Variants in INSL6 observed in about 807,000 individuals in gnomAD.
INSL6 encodes insulin like 6.
INSL6 carries 16 observed loss-of-function variants against 9.4 expected under a neutral mutation model. The ratio of observed to expected loss-of-function variants is 1.70; its 90% CI spans 1.15 to 2.59. INSL6 has a LOEUF of 2.59. INSL6 is among the 30% of genes most tolerant of loss of function. INSL6 has a pLI of 0.00. For missense variants in INSL6, 391 were observed against 257.3 expected, an observed-to-expected ratio of 1.52 and a Z score of -3.56; for synonymous variants, 154 against 96.9, an observed-to-expected ratio of 1.59 and a Z score of -3.46.
chr9:5,035,540 C>G, the INSL6 span, among the ~76,000 whole-genome samples: 35 of 152,206 alleles, frequency 2.3e-4, no homozygotes, highest in Admixed American at 4.6e-4. Flanking sequence ...CCACCATGAT[C>G]AAGTGGGCTT....
chr9:5,024,948 A>G, the INSL6 span, among the ~76,000 whole-genome samples: 3 of 152,170 alleles, frequency 2.0e-5, no homozygotes, highest in Non-Finnish European at 4.4e-5. Context: ...TTGCTTAACT[A>G]GGGGGAGTGG....
the INSL6 span, among the ~76,000 whole-genome samples, chr9:5,095,867 C>T: frequency 6.6e-6 from 1 of 152,174 alleles, no homozygotes; most frequent in Admixed American, 6.5e-5. Context: ...ACAACTACCA[C>T]ATTTCTAGCA....
At chr9:5,128,441 G>A (rs769359226) in intron 3 of INSL6, among the ~76,000 whole-genome samples, 12 of 151,654 alleles carry the variant, frequency 7.9e-5, no homozygotes, top group African/African-American at 1.5e-4. Context: ...ACACAGTAAG[G>A]AGATCTTCCA....
chr9:5,070,118 T>A, the INSL6 span: 1 of 1,130,782 alleles, frequency 8.8e-7, no homozygotes, highest in Non-Finnish European at 1.3e-6. Context: ...TTTCTTGATT[T>A]ACATTCATGT....
chr9:5,005,724 A>G, the INSL6 span, among the ~76,000 whole-genome samples: 3 of 152,156 alleles, frequency 2.0e-5, no homozygotes, highest in African/African-American at 7.2e-5. Context: ...GAGAGTTTGT[A>G]TAAGCTCAAT....
the INSL6 span, chr9:5,080,177 A>T: frequency 7.6e-7 from 1 of 1,315,940 alleles, no homozygotes; most frequent in Non-Finnish European, 1.1e-6. Flanking sequence ...CATATAAAAG[A>T]TTGGTTTACT....
the INSL6 span, among the ~76,000 whole-genome samples, chr9:5,083,083 T>C: frequency 6.6e-6 from 1 of 152,234 alleles, no homozygotes; most frequent in African/African-American, 2.4e-5. Context: ...ATTATTCAAA[T>C]TGACTTGACC....
the INSL6 span, among the ~76,000 whole-genome samples, chr9:5,037,667 T>A: frequency 6.6e-6 from 1 of 151,902 alleles, no homozygotes; most frequent in Non-Finnish European, 1.5e-5. Flanking sequence ...TGAGAACACA[T>A]GGACACAGGA....
the INSL6 span, among the ~76,000 whole-genome samples, chr9:5,113,284 T>G: frequency 1.4e-5 from 2 of 144,494 alleles, no homozygotes; most frequent in South Asian, 4.4e-4. Flanking sequence ...AAAAAATGCC[T>G]TAACTATAAA....
chr9:5,153,195 G>A (rs542294491), intron 2 of INSL6, among the ~76,000 whole-genome samples: 4 of 151,558 alleles, frequency 2.6e-5, no homozygotes, highest in South Asian at 2.1e-4. Flanking sequence ...AGACAGAACC[G>A]TTCACTCCCC....
the INSL6 span, among the ~76,000 whole-genome samples, chr9:5,062,500 T>TAAAAAAAAAAAAAAAAAAAAAAAAAAAA: frequency 5.2e-5 from 3 of 58,246 alleles, no homozygotes; most frequent in African/African-American, 3.1e-4. Flanking sequence ...CTTCCATTTG[T>TAAAAAAAAAAAAAAAAAAAAAAAAAAAA]AAAAAAAAAA....
chr9:4,993,792 G>GA, the INSL6 span, among the ~76,000 whole-genome samples: 1 of 152,302 alleles, frequency 6.6e-6, no homozygotes, highest in Non-Finnish European at 1.5e-5. Flanking sequence ...ACGTTGATAA[G>GA]AAAAAAATGG....
chr9:5,098,571 C>T, the INSL6 span: 1 of 152,152 alleles, frequency 6.6e-6, no homozygotes, highest in Non-Finnish European at 1.5e-5. Context: ...TTTAAGGCCT[C>T]TCATCCCTAC....
chr9:5,050,921 G>T, the INSL6 span: 4 of 1,101,900 alleles, frequency 3.6e-6, no homozygotes, highest in South Asian at 2.8e-5. Context: ...CATGCCTTTT[G>T]ATTTTGTAAT....
At chr9:5,183,920 A>G (rs1825511655) in intron 1 of INSL6, among the ~76,000 whole-genome samples, 1 of 152,218 alleles carries the variant, frequency 6.6e-6, no homozygotes, top group Non-Finnish European at 1.5e-5. Context: ...GTAAATTAAC[A>G]GGATTCCCAA....
chr9:5,119,583 A>C (rs781768995), downstream of INSL6, among the ~76,000 whole-genome samples: 1 of 152,044 alleles, frequency 6.6e-6, no homozygotes, highest in Non-Finnish European at 1.5e-5. Context: ...ATTTCTCATT[A>C]CTTAATTTGC....
At chr9:5,179,207 G>C (rs1193169360) in intron 1 of INSL6, among the ~76,000 whole-genome samples, 1 of 152,076 alleles carries the variant, frequency 6.6e-6, no homozygotes, top group Non-Finnish European at 1.5e-5. Context: ...CAAAAGACAT[G>C]AACAGAGAGT....
At chr9:5,106,461 A>G in the INSL6 span, among the ~76,000 whole-genome samples, 1 of 152,240 alleles carries the variant, frequency 6.6e-6, no homozygotes, top group African/African-American at 2.4e-5. Context: ...AGTAGTGTAA[A>G]CTAGTTCAAC....
chr9:5,015,131 G>A, the INSL6 span, among the ~76,000 whole-genome samples: 15 of 152,236 alleles, frequency 9.9e-5, no homozygotes, highest in African/African-American at 3.6e-4. Flanking sequence ...TAACAACTGA[G>A]GAACAGATTC....
Sources: allele counts gnomAD v4.1 joint callset (sites outside exome capture counted in the v4.1 genomes callset), GRCh38; gene constraint gnomAD v4.1.1; transcripts MANE v1.5; gene names NCBI Gene and HGNC (gene_info 2026-07-23, HGNC 2026-07-21).